Variants in SLC12A1 observed in about 807,000 individuals in gnomAD.
SLC12A1 encodes the protein solute carrier family 12 member 1, also known as Na-K-2Cl cotransporter.
SLC12A1 carries 89 observed loss-of-function variants against 130.4 expected under a neutral mutation model. The observed-to-expected ratio is 0.68, with a 90% CI of 0.58 to 0.81. The LOEUF is 0.81. SLC12A1 is among the 40% of genes least tolerant of loss of function. The pLI is 0.00. For synonymous variants in SLC12A1, 499 were observed against 460.0 expected, an observed-to-expected ratio of 1.08 and a Z score of -1.09; for missense variants, 1,310 against 1,336.4, an observed-to-expected ratio of 0.98 and a Z score of 0.31.
At chr15:48,254,373 T>G (rs2041679670) in intron 15 of SLC12A1, among the ~76,000 whole-genome samples, 1 of 151,922 alleles carries the variant, frequency 6.6e-6, no homozygotes, top group African/African-American at 2.4e-5. Flanking sequence ...CCTATAAAAA[T>G]AAACAGCCTA....
rs967565399 is a variant in SLC12A1 at position 48,247,500 on chromosome 15, T to C, written c.1684+40T>C. The C allele has an allele frequency of 2.7e-6, 4 of 1,469,396 alleles. No homozygotes were observed. In the Admixed American group the frequency reaches 5.9e-5, roughly 22 times the overall value. The allele number at this position is 1,469,396 out of a possible 1,614,324, so 91.0% of individuals were successfully genotyped here. On this transcript the variant is annotated intron_variant, in intron 13 of 26. Coordinates refer to ENST00000380993, the MANE Select transcript of SLC12A1 (RefSeq NM_000338.3). ...CTTGTTTTTATTGAAAACCAAAGAA[T>C]TCTTCTGATTATTCATAGGGCTTTC...
intron 20 of SLC12A1, among the ~76,000 whole-genome samples, chr15:48,278,782 G>T (rs1358607121): frequency 1.3e-5 from 2 of 152,094 alleles, no homozygotes; most frequent in Admixed American, 6.5e-5. Flanking sequence ...GTGTTATGTT[G>T]ATCTCTTCAA....
At chr15:48,244,708 A>C in intron 10 of SLC12A1, 45 bp from the exon 11 acceptor site, 1 of 1,605,392 alleles carries the variant, frequency 6.2e-7, no homozygotes, top group Non-Finnish European at 8.5e-7. Flanking sequence ...ACCGTAAGGG[A>C]CCAGAACTTT....
intron 20 of SLC12A1, among the ~76,000 whole-genome samples, chr15:48,275,929 G>C (rs971441469): frequency 2.0e-5 from 3 of 152,160 alleles, no homozygotes; most frequent in African/African-American, 7.2e-5. Flanking sequence ...GTTATATGGG[G>C]CATGGACTCA....
At chr15:48,232,695 T>C in intron 7 of SLC12A1, 32 bp from the exon 8 acceptor site, 1 of 1,278,812 alleles carries the variant, frequency 7.8e-7, no homozygotes, top group Non-Finnish European at 1.1e-6. Flanking sequence ...TAAATAAATC[T>C]GATTTGGTTT....
intron 14 of SLC12A1, 41 bp from the exon 15 acceptor site, chr15:48,251,574 T>G: frequency 6.5e-7 from 1 of 1,528,836 alleles, no homozygotes; most frequent in Non-Finnish European, 9.1e-7. Flanking sequence ...GCCATGATCA[T>G]AGTAGAGTGG....
At chr15:48,270,353 G>A (rs1421751042) in intron 19 of SLC12A1, among the ~76,000 whole-genome samples, 1 of 152,034 alleles carries the variant, frequency 6.6e-6, no homozygotes, top group Non-Finnish European at 1.5e-5. Flanking sequence ...GCAGGCTGCA[G>A]GCTAATGTCT....
intron 20 of SLC12A1, among the ~76,000 whole-genome samples, chr15:48,281,491 C>T (rs2042007850): frequency 6.6e-6 from 1 of 152,140 alleles, no homozygotes; most frequent in Non-Finnish European, 1.5e-5. Context: ...TGAAAACATG[C>T]AGACTGGGTG....
intron 17 of SLC12A1, among the ~76,000 whole-genome samples, chr15:48,261,935 T>C (rs1313869050): frequency 3.9e-5 from 6 of 152,214 alleles, no homozygotes; most frequent in East Asian, 1.9e-4. Flanking sequence ...ACCTATGTTA[T>C]AGAGTTGCTA....
At chr15:48,231,301 C>A in intron 7 of SLC12A1, among the ~76,000 whole-genome samples, 1 of 152,188 alleles carries the variant, frequency 6.6e-6, no homozygotes, top group East Asian at 1.9e-4. Flanking sequence ...CAGGCCTAAT[C>A]CCTATATATG....
intron 3 of SLC12A1, 71 bp from the exon 4 acceptor site, chr15:48,220,850 T>G (rs2041203304): frequency 1.2e-6 from 2 of 1,610,778 alleles, no homozygotes; most frequent in Non-Finnish European, 1.7e-6. Flanking sequence ...GGGCACAGCT[T>G]TATGAAGAGC....
intron 19 of SLC12A1, among the ~76,000 whole-genome samples, chr15:48,272,570 G>C (rs970904845): frequency 1.1e-4 from 17 of 152,164 alleles, no homozygotes; most frequent in Admixed American, 7.9e-4. Flanking sequence ...AGGACTACAG[G>C]TGCACACCAC....
intron 4 of SLC12A1, chr15:48,221,284 GATA>G (rs1242823786): frequency 1.4e-6 from 1 of 699,652 alleles, no homozygotes; most frequent in Admixed American, 2.0e-5. Context: ...GTTAATTTTA[GATA>G]ATAATATTTG....
At chr15:48,266,537 A>G (rs562655596) in intron 17 of SLC12A1, among the ~76,000 whole-genome samples, 1 of 151,646 alleles carries the variant, frequency 6.6e-6, no homozygotes, top group East Asian at 1.9e-4. Context: ...TCTAAGGAGC[A>G]GCAGCATCTG....
intron 7 of SLC12A1, among the ~76,000 whole-genome samples, chr15:48,231,365 A>G (rs1414893022): frequency 1.3e-5 from 2 of 152,248 alleles, no homozygotes; most frequent in African/African-American, 2.4e-5. Context: ...ATATAAAAAG[A>G]GAATTTGTGA....
rs1223771158 is a variant in SLC12A1, at chr15:48,251,587, G to A, written c.1787-28G>A. 3.1e-6 allele frequency: 5 copies of A among 1,592,342 alleles called. No homozygotes were observed. In the Admixed American group the frequency reaches 5.0e-5, roughly 16 times the overall value. ...GTGCCATGATCATAGTAGAGTGGAA[G>A]TTTTCCTTCTGCATATTTTGTTTTC... On this transcript the variant is annotated intron_variant, in intron 14 of 26. Transcript: ENST00000380993.
At chr15:48,277,834 A>G (rs2041969660) in intron 20 of SLC12A1, among the ~76,000 whole-genome samples, 3 of 152,212 alleles carry the variant, frequency 2.0e-5, no homozygotes. Context: ...GTTGTAGGAG[A>G]AGAGGAGGAC....
At chr15:48,297,521 A>G (rs113772316) in intron 24 of SLC12A1, among the ~76,000 whole-genome samples, 25 of 152,330 alleles carry the variant, frequency 1.6e-4, no homozygotes, top group African/African-American at 5.3e-4. Flanking sequence ...TCCACCTTCT[A>G]TTTCTTAGGA....
intron 24 of SLC12A1, among the ~76,000 whole-genome samples, chr15:48,295,059 G>A (rs1199052680): frequency 6.6e-6 from 1 of 151,152 alleles, no homozygotes; most frequent in Non-Finnish European, 1.5e-5. Context: ...CTACAGGCAT[G>A]AGCCCCTATA....
Sources: gnomAD v4.1 joint callset for allele counts (sites outside exome capture counted in the v4.1 genomes callset) on GRCh38, gnomAD v4.1.1 for gene constraint, MANE v1.5 for transcripts, NCBI Gene and HGNC (gene_info 2026-07-23, HGNC 2026-07-21) for gene names.